PTPRD: variants seen among roughly 807,000 people sequenced by gnomAD.
PTPRD encodes the protein protein tyrosine phosphatase receptor type D, also known as receptor-type tyrosine-protein phosphatase delta.
In PTPRD, 34 loss-of-function variants were observed where a neutral mutation model predicts 214.5. The observed-to-expected ratio is 0.16, with a 90% CI of 0.12 to 0.21. The LOEUF (loss-of-function observed/expected upper bound fraction) is 0.21, where lower values mean the gene tolerates loss of function less well. Among genes scored for constraint, PTPRD ranks in the 10% least tolerant of loss-of-function variants. The pLI is 1.00. For missense variants in PTPRD, 2,545 were observed against 2,398.7 expected, an observed-to-expected ratio of 1.06 and a Z score of -1.27; for synonymous variants, 1,128 against 845.7, an observed-to-expected ratio of 1.33 and a Z score of -5.79.
intron 8 of PTPRD, among the ~76,000 whole-genome samples, chr9:9,468,923 A>T (rs1423873466): frequency 6.6e-6 from 1 of 152,160 alleles, no homozygotes; most frequent in African/African-American, 2.4e-5. Context: ...TATGTAGAGT[A>T]AAATATCTCC....
At chr9:8,585,810 T>A (rs1465221983) in intron 14 of PTPRD, among the ~76,000 whole-genome samples, 1 of 152,232 alleles carries the variant, frequency 6.6e-6, no homozygotes, top group African/African-American at 2.4e-5. Context: ...ACTATTTCAT[T>A]ACACCTTTTA....
intron 8 of PTPRD, among the ~76,000 whole-genome samples, chr9:9,492,707 T>C (rs757270891): frequency 3.2e-4 from 48 of 151,840 alleles, no homozygotes; most frequent in Middle Eastern, 3.4e-3. Flanking sequence ...GTTCACTTTA[T>C]TGCACTTCAC....
intron 8 of PTPRD, among the ~76,000 whole-genome samples, chr9:9,456,802 G>T (rs534099479): frequency 6.6e-6 from 1 of 151,936 alleles, no homozygotes; most frequent in African/African-American, 2.4e-5. Flanking sequence ...TCACCCAACT[G>T]GTAAATGTGG....
intron 12 of PTPRD, among the ~76,000 whole-genome samples, chr9:8,694,287 T>A (rs1485043037): frequency 6.6e-6 from 1 of 152,122 alleles, no homozygotes; most frequent in Non-Finnish European, 1.5e-5. Context: ...AGAGAAATTT[T>A]AAAAGTTGTA....
At chr9:8,827,419 C>T (rs560930070) in intron 11 of PTPRD, among the ~76,000 whole-genome samples, 1 of 152,134 alleles carries the variant, frequency 6.6e-6, no homozygotes, top group African/African-American at 2.4e-5. Context: ...CCAGCCTGGG[C>T]AACATGGTGA....
chr9:8,834,702 C>A (rs1448518499), intron 11 of PTPRD, among the ~76,000 whole-genome samples: 1 of 152,084 alleles, frequency 6.6e-6, no homozygotes, highest in Non-Finnish European at 1.5e-5. Flanking sequence ...ATCAAGGAGA[C>A]CACACATCAG....
At chr9:9,108,548 C>A (rs2099801913) in intron 10 of PTPRD, among the ~76,000 whole-genome samples, 1 of 152,160 alleles carries the variant, frequency 6.6e-6, no homozygotes, top group South Asian at 2.1e-4. Flanking sequence ...ACTCACGGAT[C>A]CAGGCTGCTT....
At chr9:9,894,895 A>G (rs1013837858) in intron 5 of PTPRD, among the ~76,000 whole-genome samples, 5 of 151,966 alleles carry the variant, frequency 3.3e-5, no homozygotes, top group African/African-American at 1.2e-4. Context: ...AACTGTAAGA[A>G]CAAAAGAGCC....
chr9:9,850,783 T>C (rs1235751115), intron 5 of PTPRD, among the ~76,000 whole-genome samples: 3 of 152,092 alleles, frequency 2.0e-5, no homozygotes, highest in African/African-American at 4.8e-5. Context: ...ATTTATACCT[T>C]CTAACCAAAA....
At chr9:9,663,864 G>A (rs1375282043) in intron 7 of PTPRD, among the ~76,000 whole-genome samples, 1 of 151,494 alleles carries the variant, frequency 6.6e-6, no homozygotes, top group Non-Finnish European at 1.5e-5. Context: ...AAAGTTGTAT[G>A]TGAAAAATTA....
intron 3 of PTPRD, among the ~76,000 whole-genome samples, chr9:10,225,811 T>C (rs942479898): frequency 2.6e-5 from 4 of 152,000 alleles, no homozygotes; most frequent in Admixed American, 6.6e-5. Flanking sequence ...TGGTTCTCAA[T>C]GAGAATGTGT....
intron 8 of PTPRD, among the ~76,000 whole-genome samples, chr9:9,566,868 T>C (rs756483399): frequency 5.3e-5 from 8 of 152,154 alleles, no homozygotes; most frequent in East Asian, 1.9e-4. Context: ...TCTGCTTATG[T>C]ACACTGACAC....
At chr9:9,520,606 G>C (rs1355101384) in intron 8 of PTPRD, among the ~76,000 whole-genome samples, 2 of 152,138 alleles carry the variant, frequency 1.3e-5, no homozygotes, top group Non-Finnish European at 2.9e-5. Flanking sequence ...GACTAATTTT[G>C]AAGGAATATG....
At chr9:10,037,334 C>T (rs557364537) in intron 3 of PTPRD, among the ~76,000 whole-genome samples, 23 of 152,106 alleles carry the variant, frequency 1.5e-4, no homozygotes, top group African/African-American at 5.5e-4. Context: ...CACCATCCCC[C>T]TTGGTGGTGT....
Position 8,690,958 on chromosome 9 carries a change from T to C in PTPRD, c.64+42822A>G, listed in dbSNP as rs146284824. ...GGATTTGACTGGGGCATTTCTGTCT[T>C]TTCCTCCATCAAGGGAGGTATTAGT... On this transcript the variant is annotated intron_variant, in intron 12 of 45. Coordinates refer to ENST00000381196, the MANE Select transcript of PTPRD (RefSeq NM_002839.4). 3.5e-3 allele frequency among the ~76,000 whole-genome samples: 536 copies of C among 152,292 alleles called. 2 individuals carry two copies. The highest frequency in any genetic ancestry group is 0.012 in the African/African-American group (519 of 41,562).
intron 7 of PTPRD, among the ~76,000 whole-genome samples, chr9:9,646,314 TGTGG>T (rs1346564040): frequency 6.3e-5 from 9 of 141,956 alleles, no homozygotes; most frequent in East Asian, 4.0e-4. Context: ...TGTGTGTGTG[TGTGG>T]GTGTGTGTGT....
chr9:9,531,643 T>C (rs957272684), intron 8 of PTPRD, among the ~76,000 whole-genome samples: 5 of 152,162 alleles, frequency 3.3e-5, no homozygotes, highest in African/African-American at 7.2e-5. Flanking sequence ...GATTATGTTA[T>C]ATTTTGTTTA....
intron 8 of PTPRD, among the ~76,000 whole-genome samples, chr9:9,488,749 G>A (rs1463829261): frequency 1.6e-4 from 24 of 152,106 alleles, no homozygotes; most frequent in Admixed American, 1.6e-3. Flanking sequence ...GGCTCAGACT[G>A]GGAATTGCAG....
At chr9:8,607,313 G>C (rs10977229) in intron 14 of PTPRD, among the ~76,000 whole-genome samples, 87 of 152,208 alleles carry the variant, frequency 5.7e-4, no homozygotes, top group Non-Finnish European at 1.2e-3. Context: ...ATTAAAATCT[G>C]TAAGCATATA....
Sources: gnomAD v4.1 joint callset for allele counts (sites outside exome capture counted in the v4.1 genomes callset) on GRCh38, gnomAD v4.1.1 for gene constraint, MANE v1.5 for transcripts, NCBI Gene and HGNC (gene_info 2026-07-23, HGNC 2026-07-21) for gene names.